The following TMEM132C variants were observed in gnomAD, a reference collection of about 807,000 sequenced individuals.
The protein encoded by TMEM132C is protein phosphatase 1, regulatory subunit 152.
A neutral mutation model predicts 61.4 loss-of-function variants in TMEM132C; 29 were observed. The observed-to-expected ratio is 0.47, with a 90% CI of 0.35 to 0.64. TMEM132C has a LOEUF of 0.64. Ranked by LOEUF, TMEM132C falls within the 30% of genes least tolerant of loss-of-function variation. TMEM132C has a pLI of 0.00. For missense variants in TMEM132C, 1,408 were observed against 1,476.9 expected (o/e 0.95, Z 0.76); for synonymous variants, 656 against 633.1 (o/e 1.04, Z -0.54).
intron 2 of TMEM132C, among the ~76,000 whole-genome samples, chr12:128,434,267 G>A (rs1348286836): frequency 1.3e-5 from 2 of 152,182 alleles, no homozygotes; most frequent in African/African-American, 4.8e-5. Context: ...CACTCTTAGA[G>A]TTTCTGATTC....
intron 1 of TMEM132C, among the ~76,000 whole-genome samples, chr12:128,373,182 C>G (rs975815357): frequency 2.3e-4 from 35 of 152,110 alleles, no homozygotes; most frequent in African/African-American, 8.2e-4. Flanking sequence ...TGGTTTAACT[C>G]AGCTGTTTTG....
chr12:128,330,427 C>T (rs1425376382), intron 1 of TMEM132C, among the ~76,000 whole-genome samples: 1 of 152,114 alleles, frequency 6.6e-6, no homozygotes, highest in Non-Finnish European at 1.5e-5. Flanking sequence ...GTGGTGTGCA[C>T]CTGTAGTCCC....
chr12:128,342,313 G>T (rs1283038964), intron 1 of TMEM132C, among the ~76,000 whole-genome samples: 1 of 152,102 alleles, frequency 6.6e-6, no homozygotes, highest in African/African-American at 2.4e-5. Context: ...AGCCAGCCTG[G>T]CCACGCTTCT....
intron 1 of TMEM132C, among the ~76,000 whole-genome samples, chr12:128,277,011 T>C (rs1246438723): frequency 1.3e-5 from 2 of 152,168 alleles, no homozygotes; most frequent in African/African-American, 4.8e-5. Context: ...CTCTTACTTA[T>C]GCCCTAAACA....
intron 1 of TMEM132C, among the ~76,000 whole-genome samples, chr12:128,311,961 G>A (rs945357623): frequency 6.6e-6 from 1 of 152,206 alleles, no homozygotes; most frequent in African/African-American, 2.4e-5. Context: ...GGTTCATCAG[G>A]ATGCTGAGTG....
At chr12:128,362,346 G>T (rs1283316802) in intron 1 of TMEM132C, among the ~76,000 whole-genome samples, 3 of 152,122 alleles carry the variant, frequency 2.0e-5, no homozygotes, top group Non-Finnish European at 4.4e-5. Context: ...TCTCTCAGTA[G>T]CCAGATATCT....
At position 128,695,949 on chromosome 12, in the gene TMEM132C, C is replaced by T; in HGVS notation, c.1775C>T (p.Pro592Leu). 6.4e-7 allele frequency: 1 copy of T among 1,551,776 alleles called. No homozygotes were observed. The highest frequency in any genetic ancestry group is 2.0e-5 in the Admixed American group (1 of 51,012). The change falls in exon 7 of 9, where the codon CCA becomes CTA. Residue 592 changes from proline (P) to leucine (L), a missense_variant. Pro to Leu is a moderately conservative substitution (Grantham distance 98). Coordinates refer to ENST00000435159, the MANE Select transcript of TMEM132C (RefSeq NM_001136103.3). ...CAGTTTGTGTCTGAGGGCGCCGGTCCATGGGGCCAGCCGAACTACCTGCTT... is the reference window on the plus strand; with the variant it reads ...CAGTTTGTGTCTGAGGGCGCCGGTCTATGGGGCCAGCCGAACTACCTGCTT... ...LTQFVSEGAG[P>L]WGQPNYLLSP...
chr12:128,557,536 G>T (rs1565973692), intron 3 of TMEM132C, among the ~76,000 whole-genome samples: 1 of 152,126 alleles, frequency 6.6e-6, no homozygotes, highest in African/African-American at 2.4e-5. Flanking sequence ...CACAGGTGAG[G>T]TCCTCCCCCT....
intron 2 of TMEM132C, among the ~76,000 whole-genome samples, chr12:128,417,814 T>C (rs1868831517): frequency 6.6e-6 from 1 of 152,206 alleles, no homozygotes. Context: ...AAACAGACAT[T>C]GTGTGTTGTG....
At chr12:128,533,948 T>TAC (rs55794743) in intron 2 of TMEM132C, among the ~76,000 whole-genome samples, 10,823 of 145,528 alleles carry the variant, frequency 0.074, 620 homozygotes, top group East Asian at 0.36. Flanking sequence ...CATGCGCACA[T>TAC]ACACACACAC....
intron 2 of TMEM132C, among the ~76,000 whole-genome samples, chr12:128,429,336 C>T (rs1420053020): frequency 2.0e-5 from 3 of 152,198 alleles, no homozygotes; most frequent in South Asian, 2.1e-4. Flanking sequence ...AGTCAACGTG[C>T]AGCGATGGAG....
In TMEM132C at chr12:128,267,283, C is replaced by A; in HGVS notation, c.-120C>A. 1.9e-6 allele frequency: 1 copy of A among 536,712 alleles called. No individual in the cohort carries two copies. The highest frequency in any genetic ancestry group is 2.4e-6 in the Non-Finnish European group (1 of 421,572). 33.2% of individuals were successfully genotyped at this position (536,712 alleles called of 1,614,324 possible). ...GGGCGGGCCTCGGACAGCAGAGACG[C>A]AGCGGGCCCGGCCGACCGGGCTGCG... is the stretch of plus-strand genomic sequence containing the variant. On this transcript the variant is annotated 5_prime_UTR_variant, in exon 1 of 9. Transcript: ENST00000435159.
At chr12:128,423,404 G>A (rs752867781) in intron 2 of TMEM132C, among the ~76,000 whole-genome samples, 3 of 152,188 alleles carry the variant, frequency 2.0e-5, no homozygotes, top group African/African-American at 4.8e-5. Context: ...TAACAGCTGC[G>A]TATGCTCTCA....
chr12:128,306,387 A>G (rs917839167), intron 1 of TMEM132C, among the ~76,000 whole-genome samples: 3 of 151,862 alleles, frequency 2.0e-5, no homozygotes, highest in Non-Finnish European at 4.4e-5. Context: ...ATTTTTTAGT[A>G]GAGATGGGGT....
intron 6 of TMEM132C, among the ~76,000 whole-genome samples, chr12:128,695,078 G>T (rs1306562884): frequency 6.6e-6 from 1 of 152,226 alleles, no homozygotes; most frequent in Non-Finnish European, 1.5e-5. Flanking sequence ...GTGTAAGACA[G>T]CTCTGTCCAA....
intron 1 of TMEM132C, among the ~76,000 whole-genome samples, chr12:128,322,350 C>G (rs573113143): frequency 6.6e-6 from 1 of 152,220 alleles, no homozygotes; most frequent in Non-Finnish European, 1.5e-5. Context: ...TTGAGTAATA[C>G]CATGTGGAGC....
chr12:128,305,953 A>G (rs1282097406), intron 1 of TMEM132C, among the ~76,000 whole-genome samples: 1 of 152,196 alleles, frequency 6.6e-6, no homozygotes, highest in Non-Finnish European at 1.5e-5. Context: ...GGAGTCAGTA[A>G]TCCATTTTCA....
At chr12:128,340,936 CTCTCTCTCTT>C (rs1453010344) in intron 1 of TMEM132C, among the ~76,000 whole-genome samples, 4,051 of 134,866 alleles carry the variant, frequency 0.03, 224 homozygotes, top group African/African-American at 0.11. Context: ...CTCTCTCTCT[CTCTCTCTCTT>C]TCTTTCTTTC....
chr12:128,340,785 C>T (rs547661061), intron 1 of TMEM132C, among the ~76,000 whole-genome samples: 22 of 136,258 alleles, frequency 1.6e-4, no homozygotes, highest in African/African-American at 5.8e-4. Context: ...CTTTCTTTCT[C>T]TCTCTCTCTC....
Sources: gnomAD v4.1 joint callset for allele counts (sites outside exome capture counted in the v4.1 genomes callset) on GRCh38, gnomAD v4.1.1 for gene constraint, MANE v1.5 for transcripts, NCBI Gene and HGNC (gene_info 2026-07-23, HGNC 2026-07-21) for gene names.